The following MAP2K4 variants were observed in gnomAD, a reference collection of about 807,000 sequenced individuals.
The protein encoded by MAP2K4 is dual specificity mitogen-activated protein kinase kinase 4.
MAP2K4 carries 4 observed loss-of-function variants against 48.5 expected under a neutral mutation model. That is an observed-to-expected ratio of 0.08 (90% CI 0.04 to 0.19). The LOEUF (loss-of-function observed/expected upper bound fraction) is 0.19, where lower values mean the gene tolerates loss of function less well. MAP2K4 is among the 10% of genes least tolerant of loss of function. MAP2K4 has a pLI of 1.00. For synonymous variants in MAP2K4, 166 were observed against 173.1 expected (o/e 0.96, Z 0.32); for missense variants, 258 against 493.3 (o/e 0.52, Z 4.52).
chr17:12,029,215 C>A (rs181213261), intron 1 of MAP2K4, among the ~76,000 whole-genome samples: 1 of 151,626 alleles, frequency 6.6e-6, no homozygotes, highest in African/African-American at 2.4e-5. Flanking sequence ...GTAGGAGATA[C>A]GTAGAGAGAA....
At chr17:12,120,441 C>T (rs1333354275) in intron 7 of MAP2K4, among the ~76,000 whole-genome samples, 2 of 151,370 alleles carry the variant, frequency 1.3e-5, no homozygotes, top group Non-Finnish European at 2.9e-5. Context: ...GCCTGGGCAA[C>T]AGAGCAAGAT....
chr17:12,069,793 T>C (rs1970727411), intron 2 of MAP2K4: 3 of 815,828 alleles, frequency 3.7e-6, no homozygotes, highest in Non-Finnish European at 5.2e-6. Flanking sequence ...TAAAGCAGTA[T>C]TCATCTAGAG....
Position 12,020,880 on chromosome 17 carries a change from C to T in MAP2K4, c.-7C>T. The T allele has an allele frequency of 1.7e-6, 2 of 1,187,732 alleles. No individual in the cohort carries two copies. Among genetic ancestry groups the T allele is most frequent in the Middle Eastern group, 3.3e-4 (1 of 3,032 alleles). The allele number at this position is 1,187,732 out of a possible 1,614,324, so 73.6% of individuals were successfully genotyped here. On this transcript the variant is annotated 5_prime_UTR_variant, in exon 1 of 11. Transcript: ENST00000353533. ...CCGCGGCGCCGCTCGGCTCTTCACT[C>T]CCAACAATGGCGGCTCCGAGCCCGA...
chr17:12,111,042 G>T (rs1030347527), intron 6 of MAP2K4, among the ~76,000 whole-genome samples: 2 of 152,196 alleles, frequency 1.3e-5, no homozygotes, highest in Non-Finnish European at 2.9e-5. Flanking sequence ...TGAAGTGCTT[G>T]CTTTACTTAT....
At chr17:12,100,587 A>C (rs1971907135) in intron 4 of MAP2K4, among the ~76,000 whole-genome samples, 1 of 152,148 alleles carries the variant, frequency 6.6e-6, no homozygotes, top group Non-Finnish European at 1.5e-5. Context: ...TGGGGGTGGA[A>C]TGGCTGGATC....
chr17:12,066,135 T>C (rs1167470068), intron 2 of MAP2K4, among the ~76,000 whole-genome samples: 2 of 147,602 alleles, frequency 1.4e-5, no homozygotes, highest in Admixed American at 6.7e-5. Flanking sequence ...TTTCTTTCTT[T>C]CTTTTTTTTT....
At chr17:12,134,840 G>C (rs546914044) in intron 9 of MAP2K4, among the ~76,000 whole-genome samples, 1 of 152,304 alleles carries the variant, frequency 6.6e-6, no homozygotes, top group African/African-American at 2.4e-5. Context: ...ACATTACTTT[G>C]GTGCATTAGA....
chr17:12,068,752 T>TTA lies in MAP2K4; in HGVS notation c.219-12591_219-12590dup, dbSNP rs1382454582. ...GGATATCAAAACATACATATATATA[T>TTA]TATATATATATATAGCGTGTGTGTA... On this transcript the variant is annotated intron_variant, in intron 2 of 10. Transcript: ENST00000353533. Among the ~76,000 whole-genome samples, 652 of 148,760 alleles carry TTA rather than the reference T, an allele frequency of 4.4e-3. 6 individuals are homozygous for TTA. The highest frequency in any genetic ancestry group is 0.014 in the African/African-American group (586 of 40,830).
intron 2 of MAP2K4, chr17:12,069,831 A>T: frequency 1.9e-6 from 1 of 527,354 alleles, no homozygotes; most frequent in South Asian, 1.7e-5. Flanking sequence ...ACAGAAGAAC[A>T]GTTGCAGTGA....
chr17:12,125,831 C>T (rs1972834643), intron 8 of MAP2K4, among the ~76,000 whole-genome samples: 1 of 152,136 alleles, frequency 6.6e-6, no homozygotes. Flanking sequence ...ATTCTATTCA[C>T]TGAATAGTAA....
At chr17:12,038,359 G>A (rs916411883) in intron 1 of MAP2K4, among the ~76,000 whole-genome samples, 21 of 152,062 alleles carry the variant, frequency 1.4e-4, no homozygotes, top group African/African-American at 4.8e-4. Flanking sequence ...CTTCCATCTT[G>A]GTGTTCATTT....
intron 6 of MAP2K4, among the ~76,000 whole-genome samples, chr17:12,111,103 G>A (rs1248750695): frequency 2.6e-5 from 4 of 152,232 alleles, no homozygotes; most frequent in East Asian, 1.9e-4. Flanking sequence ...GAAACACACC[G>A]AATCACTACC....
At chr17:12,138,043 G>C (rs1356329282) in intron 9 of MAP2K4, among the ~76,000 whole-genome samples, 2 of 152,134 alleles carry the variant, frequency 1.3e-5, no homozygotes, top group Admixed American at 6.5e-5. Flanking sequence ...TTTGTTCCCA[G>C]CCACAATAGT....
intron 1 of MAP2K4, among the ~76,000 whole-genome samples, chr17:12,033,337 C>A (rs1675436480): frequency 6.6e-6 from 1 of 151,178 alleles, no homozygotes; most frequent in Non-Finnish European, 1.5e-5. Context: ...GATTCAAAGG[C>A]AAAAAAAATT....
At chr17:12,112,118 G>A (rs1038482895) in intron 6 of MAP2K4, among the ~76,000 whole-genome samples, 1 of 152,136 alleles carries the variant, frequency 6.6e-6, no homozygotes, top group African/African-American at 2.4e-5. Flanking sequence ...GGTTTTCGAG[G>A]TGTGGATGTT....
intron 4 of MAP2K4, among the ~76,000 whole-genome samples, chr17:12,103,930 A>G (rs1972025817): frequency 6.6e-6 from 1 of 152,180 alleles, no homozygotes. Flanking sequence ...ATCATAATGT[A>G]GATTGCTTCT....
At chr17:12,038,943 A>G (rs531872924) in intron 1 of MAP2K4, among the ~76,000 whole-genome samples, 1 of 152,260 alleles carries the variant, frequency 6.6e-6, no homozygotes, top group Admixed American at 6.5e-5. Context: ...AGGAGTCCTC[A>G]TTTGCACTAG....
At chr17:12,132,255 G>T (rs1973052139) in intron 9 of MAP2K4, among the ~76,000 whole-genome samples, 1 of 152,154 alleles carries the variant, frequency 6.6e-6, no homozygotes, top group Admixed American at 6.5e-5. Flanking sequence ...CCCAACAAAA[G>T]TGTGGACATA....
At chr17:12,087,516 G>A (rs1971409656) in intron 3 of MAP2K4, among the ~76,000 whole-genome samples, 1 of 152,022 alleles carries the variant, frequency 6.6e-6, no homozygotes, top group African/African-American at 2.4e-5. Flanking sequence ...ACATGCTTTT[G>A]GAACTGAACT....
Sources: gnomAD v4.1 joint callset for allele counts (sites outside exome capture counted in the v4.1 genomes callset) on GRCh38, gnomAD v4.1.1 for gene constraint, MANE v1.5 for transcripts, NCBI Gene and HGNC (gene_info 2026-07-23, HGNC 2026-07-21) for gene names.